Variants in NOXRED1 observed in about 807,000 individuals in gnomAD.
NOXRED1 encodes NADP dependent oxidoreductase domain containing 1, also known as NADP-dependent oxidoreductase domain-containing protein 1.
A neutral mutation model predicts 30.4 loss-of-function variants in NOXRED1; 20 were observed. The ratio of observed to expected loss-of-function variants is 0.66; its 90% CI spans 0.46 to 0.96. NOXRED1 has a LOEUF of 0.96. NOXRED1 is among the 40% of genes least tolerant of loss of function. The pLI is 0.00. For missense variants in NOXRED1, 374 were observed against 428.0 expected (o/e 0.87, Z 1.11); for synonymous variants, 155 against 168.0 (o/e 0.92, Z 0.60).
At chr14:77,419,085 T>C (rs974047121) in intron 1 of NOXRED1, among the ~76,000 whole-genome samples, 11 of 151,450 alleles carry the variant, frequency 7.3e-5, no homozygotes, top group Non-Finnish European at 1.2e-4. Context: ...TTTTTTTTTT[T>C]CTTGAGATAG....
intron 1 of NOXRED1, among the ~76,000 whole-genome samples, chr14:77,416,838 C>T (rs954357725): frequency 1.3e-5 from 2 of 150,866 alleles, no homozygotes; most frequent in African/African-American, 2.4e-5. Flanking sequence ...GGGGCTGACC[C>T]CCCCACCTCC....
At chr14:77,424,974 G>A (rs1895089445), upstream of NOXRED1, among the ~76,000 whole-genome samples, 1 of 152,200 alleles carries the variant, frequency 6.6e-6, no homozygotes, top group South Asian at 2.1e-4. Flanking sequence ...AGTTGGGCCT[G>A]TAACTGCTAC....
intron 2 of NOXRED1, among the ~76,000 whole-genome samples, chr14:77,410,173 C>T (rs1030044994): frequency 5.3e-5 from 8 of 152,110 alleles, no homozygotes; most frequent in African/African-American, 1.7e-4. Context: ...TGACTTACTC[C>T]TGCAATACCT....
upstream of NOXRED1, among the ~76,000 whole-genome samples, chr14:77,424,813 T>C (rs1895084790): frequency 1.3e-5 from 2 of 152,148 alleles, no homozygotes; most frequent in African/African-American, 4.8e-5. Flanking sequence ...CCAGTTAAGG[T>C]GGACCACCAG....
chr14:77,412,101 TAAAAAA>T (rs71128621), intron 2 of NOXRED1, among the ~76,000 whole-genome samples: 1 of 63,734 alleles, frequency 1.6e-5, no homozygotes, highest in African/African-American at 5.6e-5. Context: ...AGACTCAGTC[TAAAAAA>T]AAAAAAAAAA....
intron 5 of NOXRED1, 41 bp from the exon 6 acceptor site, chr14:77,394,846 A>C: frequency 1.4e-6 from 2 of 1,456,872 alleles, no homozygotes; most frequent in Non-Finnish European, 1.9e-6. Flanking sequence ...ATGTCTGTTC[A>C]GTATATCTGA....
chr14:77,398,026 A>G (rs78984188), intron 5 of NOXRED1, among the ~76,000 whole-genome samples: 14 of 152,282 alleles, frequency 9.2e-5, no homozygotes, highest in Non-Finnish European at 1.6e-4. Context: ...GGTAGGGTCA[A>G]GGGCAAACTA....
rs1019086356 is a variant in NOXRED1 at position 77,406,788 on chromosome 14, C to G, written c.618G>C (p.Lys206Asn). The G allele has an allele frequency of 9.9e-6, 16 of 1,614,004 alleles. No individual in the cohort carries two copies. Among genetic ancestry groups the G allele is most frequent in the Non-Finnish European group, 1.4e-5 (16 of 1,179,884 alleles). The change falls in exon 4 of 6, where the codon AAG (lysine) becomes AAC (asparagine). Residue 206 changes from lysine (K) to asparagine (N), a missense_variant. Lys to Asn is a moderately conservative substitution (Grantham distance 94, BLOSUM62 0). Transcript: ENST00000380835. Reference protein sequence around the residue: ...EDSVSVWGANKGVIAALQDPT... With the variant: ...EDSVSVWGANNGVIAALQDPT... ...GATCTTGGAGAGCAGCTATGACTCCCTTATTGGCCCCCCAGACGCTGACAG... is the reference window on the plus strand; with the variant it reads ...GATCTTGGAGAGCAGCTATGACTCCGTTATTGGCCCCCCAGACGCTGACAG...
intron 5 of NOXRED1, among the ~76,000 whole-genome samples, chr14:77,398,086 G>T (rs1475937441): frequency 2.6e-5 from 4 of 152,158 alleles, no homozygotes; most frequent in Non-Finnish European, 4.4e-5. Flanking sequence ...GAAGTAGCTT[G>T]CTGGAGGAGA....
intron 5 of NOXRED1, among the ~76,000 whole-genome samples, chr14:77,402,588 C>T (rs761651442): frequency 3.3e-5 from 5 of 151,182 alleles, no homozygotes; most frequent in African/African-American, 4.9e-5. Flanking sequence ...GAGCCGAGAT[C>T]GTGCCATTGC....
chr14:77,412,149 C>A (rs1304719005), intron 2 of NOXRED1, among the ~76,000 whole-genome samples: 1 of 147,188 alleles, frequency 6.8e-6, no homozygotes, highest in East Asian at 2.0e-4. Context: ...TGTACCAATT[C>A]TTTGGCCTAA....
chr14:77,396,336 GC>G (rs11361923), intron 5 of NOXRED1, among the ~76,000 whole-genome samples: 79,759 of 149,050 alleles, frequency 0.54, 23,014 homozygotes, highest in African/African-American at 0.76. Flanking sequence ...CACAACCTCC[GC>G]CTCCTGGGTT....
At chr14:77,425,376 ATAGAT>A (rs150577998), upstream of NOXRED1, among the ~76,000 whole-genome samples, 6 of 152,166 alleles carry the variant, frequency 3.9e-5, no homozygotes, top group South Asian at 2.1e-4. Flanking sequence ...AACAGCAGAT[ATAGAT>A]TAGATTAGAT....
chr14:77,398,053 A>G (rs1326173652), intron 5 of NOXRED1, among the ~76,000 whole-genome samples: 4 of 152,202 alleles, frequency 2.6e-5, no homozygotes, highest in Non-Finnish European at 4.4e-5. Context: ...CTAAGACTGC[A>G]GGGACCAGAA....
Position 77,407,439 on chromosome 14 carries a change from G to C in NOXRED1, c.530+26C>G, listed in dbSNP as rs1215998252. The C allele has an allele frequency of 1.9e-6, 3 of 1,568,596 alleles. No individual in the cohort carries two copies. In the Admixed American group the frequency reaches 5.0e-5, roughly 26 times the overall value. On this transcript the variant is annotated intron_variant, in intron 3 of 5. Coordinates refer to ENST00000380835, the MANE Select transcript of NOXRED1 (RefSeq NM_001113475.3). ...ATAAGGAGACAGAGCAGTTGTGCCA[G>C]TTCCATTCTCACCCTAACAAGATAC...
At chr14:77,418,378 C>T (rs762218850) in intron 1 of NOXRED1, among the ~76,000 whole-genome samples, 15 of 152,172 alleles carry the variant, frequency 9.9e-5, no homozygotes, top group East Asian at 1.9e-4. Context: ...TCAAGCGATC[C>T]GCCTGCCTTA....
rs1177680524 is a variant in NOXRED1 at position 77,408,892 on chromosome 14, A to ATTTT, written c.350-1251_350-1248dup. Among the ~76,000 whole-genome samples the ATTTT allele has an allele frequency of 3.2e-4, 22 of 68,178 alleles. 3 individuals carry two copies. Among genetic ancestry groups the ATTTT allele is most frequent in the South Asian group, 3.1e-3 (4 of 1,288 alleles). The allele number at this position is 68,178 out of a possible 152,430, so 44.7% of individuals were successfully genotyped here. A position where few individuals can be genotyped will look rare whatever the true frequency, so the allele number is the denominator to read the frequency against. On this transcript the variant is annotated intron_variant, in intron 2 of 5. Coordinates refer to ENST00000380835, the MANE Select transcript of NOXRED1 (RefSeq NM_001113475.3). ...GCATAAAAACACTCACTGGTAGTTA[A>ATTTT]TTTTTTTTTTTTTTTTTTTTGGCTA...
intron 1 of NOXRED1, among the ~76,000 whole-genome samples, chr14:77,416,881 GCTC>G (rs549449311): frequency 1.9e-3 from 286 of 151,584 alleles, no homozygotes; most frequent in African/African-American, 6.7e-3. Flanking sequence ...GGGCAGAGGG[GCTC>G]CTCACCTCCC....
chr14:77,410,830 G>T (rs1010141102), intron 2 of NOXRED1, among the ~76,000 whole-genome samples: 1 of 152,146 alleles, frequency 6.6e-6, no homozygotes, highest in Admixed American at 6.5e-5. Context: ...AATGATCCCA[G>T]CACTGACCTG....
Sources: allele counts gnomAD v4.1 joint callset (sites outside exome capture counted in the v4.1 genomes callset), GRCh38; gene constraint gnomAD v4.1.1; transcripts MANE v1.5; gene names NCBI Gene and HGNC (gene_info 2026-07-23, HGNC 2026-07-21).